ARL5A: variants seen among roughly 807,000 people sequenced by gnomAD.
ARL5A encodes the protein ADP-ribosylation factor-like protein 5A.
In ARL5A, 18 loss-of-function variants were observed where a neutral mutation model predicts 25.9. The ratio of observed to expected loss-of-function variants is 0.69; its 90% CI spans 0.48 to 1.03. The LOEUF is 1.03. ARL5A is among the 50% of genes least tolerant of loss of function. ARL5A has a pLI of 0.00. For synonymous variants in ARL5A, 61 were observed against 67.5 expected (o/e 0.90, Z 0.47); for missense variants, 170 against 211.9 (o/e 0.80, Z 1.23).
At position 151,801,180 on chromosome 2, in the gene ARL5A, T is replaced by A. The variant is rs1375085390; in HGVS notation, c.*2096A>T. 6.6e-6 allele frequency: 1 copy of A among 152,600 alleles called. No homozygotes were observed. Among genetic ancestry groups the A allele is most frequent in the African/African-American group, 2.4e-5 (1 of 41,446 alleles). The allele number at this position is 152,600 out of a possible 1,614,324, so 9.5% of individuals were successfully genotyped here. On this transcript the variant is annotated 3_prime_UTR_variant, in exon 6 of 6. Transcript: ENST00000295087. The stretch of plus-strand genomic sequence containing the variant: ...TATAAATGTGGTATAAAATTACACA[T>A]CTTCTCATGATGTCATGTCAATAAT...
chr2:151,811,416 T>A (rs1003939978), intron 4 of ARL5A, among the ~76,000 whole-genome samples: 8 of 152,042 alleles, frequency 5.3e-5, no homozygotes, highest in African/African-American at 1.9e-4. Flanking sequence ...CAATAAGATA[T>A]CCAAAAATAA....
chr2:151,811,611 T>C (rs2099830855), intron 4 of ARL5A, among the ~76,000 whole-genome samples: 1 of 152,198 alleles, frequency 6.6e-6, no homozygotes, highest in African/African-American at 2.4e-5. Context: ...TCTCACTCTG[T>C]CACTCAGGCT....
Position 151,803,332 on chromosome 2 carries a change from G to T in ARL5A, c.492-8C>A. ...TCAAGTCCTTGGCACAATCTATAAAGAAAACAAAATCATTTGATTAAATTC... is the reference window on the plus strand; with the variant it reads ...TCAAGTCCTTGGCACAATCTATAAATAAAACAAAATCATTTGATTAAATTC... On this transcript the variant is annotated splice_region_variant and splice_polypyrimidine_tract_variant and intron_variant, in intron 5 of 5. Transcript: ENST00000295087. The T allele has an allele frequency of 6.2e-7, 1 of 1,609,348 alleles. No homozygotes were observed. Among genetic ancestry groups the T allele is most frequent in the Middle Eastern group, 1.7e-4 (1 of 6,036 alleles).
In ARL5A at chr2:151,828,034, C is replaced by T. The variant is rs1337007521; in HGVS notation, c.46+97G>A. 2.9e-6 allele frequency: 4 copies of T among 1,378,650 alleles called. No homozygotes were observed. The Admixed American group carries it at 7.6e-5, about 26-fold the overall frequency. The allele number at this position is 1,378,650 out of a possible 1,614,324, so 85.4% of individuals were successfully genotyped here. A position where few individuals can be genotyped will look rare whatever the true frequency, so the allele number is the denominator to read the frequency against. ...ACCCCGCGCTGAGCTGGCGCCCGAC[C>T]GAGCCGCCCACATTCCGAAGTATTC... On this transcript the variant is annotated intron_variant, in intron 1 of 5. Coordinates refer to ENST00000295087, the MANE Select transcript of ARL5A (RefSeq NM_012097.4).
chr2:151,807,156 G>A (rs765496760), intron 4 of ARL5A, among the ~76,000 whole-genome samples, 184 bp from the exon 5 acceptor site: 34 of 152,058 alleles, frequency 2.2e-4, no homozygotes, highest in Admixed American at 6.6e-5. Context: ...ATTTCTTATA[G>A]TCTCAGACAA....
rs1316339096 is a variant in ARL5A at position 151,828,398 on chromosome 2, G to A, written c.-222C>T. The A allele has an allele frequency of 1.3e-5, 5 of 398,134 alleles. No individual in the cohort carries two copies. Among genetic ancestry groups the A allele is most frequent in the Non-Finnish European group, 2.2e-5 (5 of 226,588 alleles). 24.7% of individuals were successfully genotyped at this position (398,134 alleles called of 1,614,324 possible). Reference sequence around the variant, plus strand: ...CCGCCGCGGCACTCGCCTGGCTCGCGGACATCGCCGCCGCGTTGTCTGCGA... The same window carrying A: ...CCGCCGCGGCACTCGCCTGGCTCGCAGACATCGCCGCCGCGTTGTCTGCGA... On this transcript the variant is annotated 5_prime_UTR_variant, in exon 1 of 6. Transcript: ENST00000295087.
In ARL5A at chr2:151,806,062, G is replaced by A. The variant is rs552187423; in HGVS notation, c.491+759C>T. Among the ~76,000 whole-genome samples the A allele has an allele frequency of 2.0e-5, 3 of 152,078 alleles. No individual in the cohort carries two copies. In the South Asian group the frequency reaches 6.2e-4, roughly 32 times the overall value. ...CCCACTTTCTCAATGCACAGAATTT[G>A]TTCTGACAAACTGGTTGAATGTACT... On this transcript the variant is annotated intron_variant, in intron 5 of 5. Transcript: ENST00000295087.
In ARL5A at chr2:151,828,189, GACCCC is replaced by G; in HGVS notation, c.-18_-14del. ...AGAGAATTCCCATTCTCGGGCAGCG[GACCCC>G]CCCCCTCCAGACACCCGGGCCGCCT... On this transcript the variant is annotated 5_prime_UTR_variant, in exon 1 of 6. Transcript: ENST00000295087. 6.7e-7 allele frequency: 1 copy of G among 1,488,292 alleles called. No homozygotes were observed. Among genetic ancestry groups the G allele is most frequent in the Non-Finnish European group, 9.0e-7 (1 of 1,113,270 alleles). The allele number at this position is 1,488,292 out of a possible 1,614,324, so 92.2% of individuals were successfully genotyped here. A position where few individuals can be genotyped will look rare whatever the true frequency, so the allele number is the denominator to read the frequency against.
At chr2:151,808,261 A>G (rs958407786) in intron 4 of ARL5A, among the ~76,000 whole-genome samples, 6 of 152,230 alleles carry the variant, frequency 3.9e-5, no homozygotes. Context: ...GCAAGTTTTC[A>G]CAACTGTTGA....
intron 5 of ARL5A, among the ~76,000 whole-genome samples, chr2:151,804,686 C>T (rs2099829870): frequency 6.6e-6 from 1 of 152,096 alleles, no homozygotes; most frequent in South Asian, 2.1e-4. Context: ...TAGAAACTAA[C>T]TTAATATCCA....
chr2:151,801,534 T>G lies in ARL5A; in HGVS notation c.*1742A>C, dbSNP rs950340638. 1 of 152,142 alleles carries G rather than the reference T, an allele frequency of 6.6e-6. No homozygotes were observed. The highest frequency in any genetic ancestry group is 1.5e-5 in the Non-Finnish European group (1 of 67,972). The allele number at this position is 152,142 out of a possible 1,614,324, so 9.4% of individuals were successfully genotyped here. A position where few individuals can be genotyped will look rare whatever the true frequency, so the allele number is the denominator to read the frequency against. On this transcript the variant is annotated 3_prime_UTR_variant, in exon 6 of 6. Coordinates refer to ENST00000295087, the MANE Select transcript of ARL5A (RefSeq NM_012097.4). The stretch of plus-strand genomic sequence containing the variant: ...GAACATATGGGAAAAGCTTAGTAAT[T>G]TAAGATTTACTTTTGTAAAACCATG...
chr2:151,812,263 T>G, intron 4 of ARL5A, 94 bp downstream of exon 4: 1 of 789,642 alleles, frequency 1.3e-6, no homozygotes, highest in Non-Finnish European at 1.9e-6. Context: ...TTTTAAAAAT[T>G]TGAAATTGAT....
rs975709277 is a variant in ARL5A at position 151,803,075 on chromosome 2, C to T, written c.*201G>A. ...TGTCAATCACAGCTTCAATAACTTA[C>T]TTTGGAAAAAACTAATGAGAAAGCA... is the stretch of plus-strand genomic sequence containing the variant. On this transcript the variant is annotated 3_prime_UTR_variant, in exon 6 of 6. Transcript: ENST00000295087. 3.8e-6 allele frequency: 2 copies of T among 525,028 alleles called. No individual in the cohort carries two copies. The highest frequency in any genetic ancestry group is 4.0e-5 in the African/African-American group (2 of 50,626). The allele number at this position is 525,028 out of a possible 1,614,324, so 32.5% of individuals were successfully genotyped here.
At chr2:151,810,837 A>G (rs1010156225) in intron 4 of ARL5A, among the ~76,000 whole-genome samples, 1 of 152,244 alleles carries the variant, frequency 6.6e-6, no homozygotes, top group African/African-American at 2.4e-5. Flanking sequence ...TATAGTCCAG[A>G]GACAAATAAC....
intron 5 of ARL5A, among the ~76,000 whole-genome samples, chr2:151,804,167 C>T (rs1222938367): frequency 6.6e-6 from 1 of 152,018 alleles, no homozygotes; most frequent in African/African-American, 2.4e-5. Flanking sequence ...ACACATGTTA[C>T]ATAAATATTA....
intron 3 of ARL5A, 30 bp from the exon 4 acceptor site, chr2:151,812,470 AT>A: frequency 7.1e-7 from 1 of 1,415,466 alleles, no homozygotes; most frequent in South Asian, 1.3e-5. Flanking sequence ...ATTATTAGTG[AT>A]TATACAATTT....
At chr2:151,815,968 T>A (rs10171724) in intron 1 of ARL5A, among the ~76,000 whole-genome samples, 131,749 of 152,104 alleles carry the variant, frequency 0.87, 57,767 homozygotes, top group Middle Eastern at 0.94. Flanking sequence ...CAGCATGTGG[T>A]AGAAGCTAGT....
intron 3 of ARL5A, among the ~76,000 whole-genome samples, chr2:151,812,916 T>C (rs914864574): frequency 2.6e-5 from 4 of 152,176 alleles, no homozygotes; most frequent in Admixed American, 2.6e-4. Flanking sequence ...AATAAATCTC[T>C]ATCTAAAAAC....
chr2:151,815,154 G>T lies in ARL5A; in HGVS notation c.92C>A (p.Thr31Asn), dbSNP rs1363210155. 6.2e-7 allele frequency: 1 copy of T among 1,605,648 alleles called. No individual in the cohort carries two copies. The highest frequency in any genetic ancestry group is 1.1e-5 in the South Asian group (1 of 89,232). The stretch of plus-strand genomic sequence containing the variant: ...TAATACTTACAATTGGTAAAGAATG[G>T]TAGTTTTCCCTGCATTATCCAGCCC... ...IVGLDNAGKT[T>N]ILYQFSMNEV... The change falls in exon 2 of 6, where the codon ACC (threonine) becomes AAC (asparagine). Residue 31 changes from threonine to asparagine, a missense_variant. Transcript: ENST00000295087.
Sources: allele counts gnomAD v4.1 joint callset (sites outside exome capture counted in the v4.1 genomes callset), GRCh38; gene constraint gnomAD v4.1.1; transcripts MANE v1.5; gene names NCBI Gene and HGNC (gene_info 2026-07-23, HGNC 2026-07-21).